Variants in SREBF2 observed in about 807,000 individuals in gnomAD.
The protein encoded by SREBF2 is sterol regulatory element binding transcription factor 2.
In SREBF2, 55 loss-of-function variants were observed where a neutral mutation model predicts 113.1. That is an observed-to-expected ratio of 0.49 (90% CI 0.39 to 0.61). The LOEUF is 0.61. SREBF2 is among the 20% of genes least tolerant of loss of function. The pLI is 0.00. For synonymous variants in SREBF2, 593 were observed against 605.7 expected, an observed-to-expected ratio of 0.98 and a Z score of 0.31; for missense variants, 1,349 against 1,487.4, an observed-to-expected ratio of 0.91 and a Z score of 1.53.
At chr22:41,862,836 C>T (rs115889871) in intron 1 of SREBF2, among the ~76,000 whole-genome samples, 1,738 of 152,296 alleles carry the variant, frequency 0.011, 38 homozygotes, top group African/African-American at 0.04. Context: ...GCCCAGTACC[C>T]GGCTGCCCGG....
chr22:41,895,050 G>C (rs1464010781), intron 13 of SREBF2, 113 bp downstream of exon 13: 1 of 815,958 alleles, frequency 1.2e-6, no homozygotes, highest in African/African-American at 1.7e-5. Flanking sequence ...CGGGTTGGCA[G>C]GGCAATCAAA....
intron 3 of SREBF2, among the ~76,000 whole-genome samples, 167 bp downstream of exon 3, chr22:41,868,959 C>T (rs1172817966): frequency 6.6e-6 from 1 of 152,226 alleles, no homozygotes; most frequent in Non-Finnish European, 1.5e-5. Flanking sequence ...TGGCTGAGTC[C>T]ATATCTGTAG....
intron 17 of SREBF2, among the ~76,000 whole-genome samples, chr22:41,904,264 A>G (rs2148422994): frequency 6.6e-6 from 1 of 152,284 alleles, no homozygotes; most frequent in Middle Eastern, 3.4e-3. Context: ...CCAGGACCAG[A>G]ATCCACTTGG....
intron 3 of SREBF2, among the ~76,000 whole-genome samples, chr22:41,869,236 C>G (rs745643330): frequency 6.6e-6 from 1 of 152,110 alleles, no homozygotes; most frequent in Admixed American, 6.5e-5. Flanking sequence ...TCCCGAGTAG[C>G]TGGGACTACA....
At chr22:41,846,510 C>G (rs1602271843) in intron 1 of SREBF2, among the ~76,000 whole-genome samples, 2 of 152,300 alleles carry the variant, frequency 1.3e-5, no homozygotes, top group Admixed American at 1.3e-4. Context: ...TGATGATGGA[C>G]AAATGGAACA....
At chr22:41,900,280 C>G in intron 15 of SREBF2, 50 bp from the exon 16 acceptor site, 2 of 1,599,096 alleles carry the variant, frequency 1.3e-6, no homozygotes, top group Non-Finnish European at 8.5e-7. Context: ...CTGCCTGTCA[C>G]GCAGGTGACA....
chr22:41,855,019 TAA>T (rs746090034), intron 1 of SREBF2, among the ~76,000 whole-genome samples: 16 of 138,508 alleles, frequency 1.2e-4, no homozygotes, highest in Admixed American at 7.2e-5. Flanking sequence ...TGTGCAGCAT[TAA>T]AAAAAAAAAA....
Position 41,867,160 on chromosome 22 carries a change from CA to C in SREBF2, c.420del (p.Gln140HisfsTer11). The C allele has an allele frequency of 6.2e-7, 1 of 1,614,220 alleles. No individual in the cohort carries two copies. ...TCAGCCCCGCCCCCAGCCCCAGCCT[CA>C]ACCTCAAACTCAGCTGCAACAACAG... Reference protein sequence around the residue: ...ILQPRPQPQPQPQTQLQQQTV... With the variant: ...ILQPRPQPQPXPQTQLQQQTV... On this transcript the variant is annotated frameshift_variant, in exon 2 of 19. Coordinates refer to ENST00000361204, the MANE Select transcript of SREBF2 (RefSeq NM_004599.4). LOFTEE classifies it high-confidence loss of function.
chr22:41,838,725 C>T (rs1341379024), intron 1 of SREBF2, among the ~76,000 whole-genome samples: 13 of 152,098 alleles, frequency 8.5e-5, no homozygotes, highest in Middle Eastern at 6.8e-3. Context: ...AGAGCAAGAC[C>T]TTGTCTCAAA....
Position 41,867,011 on chromosome 22 carries a change from G to A in SREBF2, c.269G>A (p.Arg90Gln), listed in dbSNP as rs756727759. The change falls in exon 2 of 19, where the codon CGG becomes CAG. Residue 90 changes from arginine to glutamine, a missense_variant. Arg to Gln is a conservative substitution (Grantham distance 43). This residue lies in a region of SREBF2 where 699 missense variants were observed against 843.3 expected (regional missense o/e 0.83). Transcript: ENST00000361204. ...GGAGCTGTGGACCCTTCAGTGCAAC[G>A]GTCATTCACCCAGGTCACATTACCT... Reference protein sequence around the residue: ...SSGAVDPSVQRSFTQVTLPSF... With the variant: ...SSGAVDPSVQQSFTQVTLPSF... The A allele has an allele frequency of 1.5e-5, 25 of 1,613,970 alleles. 1 individual carries two copies. Among genetic ancestry groups the A allele is most frequent in the South Asian group, 1.1e-4 (10 of 91,076 alleles).
chr22:41,836,511 G>A (rs2076777077), intron 1 of SREBF2, among the ~76,000 whole-genome samples: 1 of 152,216 alleles, frequency 6.6e-6, no homozygotes, highest in South Asian at 2.1e-4. Flanking sequence ...GTGGTCTGAA[G>A]ATAAAATTAT....
rs757996476 is a variant in SREBF2 at position 41,900,358 on chromosome 22, G to T, written c.2767G>T (p.Ala923Ser). The T allele has an allele frequency of 6.2e-7, 1 of 1,613,724 alleles. No individual in the cohort carries two copies. The highest frequency in any genetic ancestry group is 8.5e-7 in the Non-Finnish European group (1 of 1,180,042). Residue 923 changes from alanine (A) to serine (S), a missense_variant, in exon 16 of 19, where the codon GCC becomes TCC. Transcript: ENST00000361204. ...ESPLVKAIFH[A>S]CRAMHASLPG... ...CCCCCTGGTGAAGGCCATCTTCCAT[G>T]CCTGCAGAGCCATGCATGCCTCACT...
At chr22:41,902,394 C>CT (rs773156361) in intron 16 of SREBF2, among the ~76,000 whole-genome samples, 347 of 152,324 alleles carry the variant, frequency 2.3e-3, no homozygotes, top group African/African-American at 8.0e-3. Context: ...CTCAGAGAGA[C>CT]TAAGTCCTAT....
At chr22:41,864,223 CATATATAT>C (rs756489276) in intron 1 of SREBF2, among the ~76,000 whole-genome samples, 487 of 46,326 alleles carry the variant, frequency 0.011, 3 homozygotes, top group African/African-American at 0.029. Flanking sequence ...CTTCTGCAAG[CATATATAT>C]ATATATATAT....
intron 11 of SREBF2, among the ~76,000 whole-genome samples, chr22:41,889,084 A>C (rs1765958475): frequency 6.6e-6 from 1 of 152,136 alleles, no homozygotes; most frequent in Non-Finnish European, 1.5e-5. Flanking sequence ...TGTCTCAGTA[A>C]ATTTTTCATG....
chr22:41,883,641 G>A (rs1012309262), intron 10 of SREBF2, among the ~76,000 whole-genome samples: 2 of 152,144 alleles, frequency 1.3e-5, no homozygotes, highest in African/African-American at 4.8e-5. Context: ...CTACAGTATG[G>A]TTGCCACACT....
At chr22:41,883,852 CT>C (rs1250241293) in intron 10 of SREBF2, among the ~76,000 whole-genome samples, 2 of 152,202 alleles carry the variant, frequency 1.3e-5, no homozygotes, top group Non-Finnish European at 2.9e-5. Flanking sequence ...ACTTCCTCCC[CT>C]GAGGCAAGGA....
chr22:41,862,190 A>G (rs1262877216), intron 1 of SREBF2, among the ~76,000 whole-genome samples: 2 of 152,206 alleles, frequency 1.3e-5, no homozygotes, highest in African/African-American at 2.4e-5. Context: ...TGAGCTGAGC[A>G]AAGTGATATT....
intron 14 of SREBF2, among the ~76,000 whole-genome samples, chr22:41,898,314 C>T (rs1193581709): frequency 4.6e-5 from 7 of 152,156 alleles, no homozygotes; most frequent in Admixed American, 4.6e-4. Context: ...GAGGGGGTTT[C>T]ACCATGTTGG....
Sources: gnomAD v4.1 joint callset for allele counts (sites outside exome capture counted in the v4.1 genomes callset) on GRCh38, gnomAD v4.1.1 for gene constraint, gnomAD v4.1.1 regional missense constraint, MANE v1.5 for transcripts, NCBI Gene and HGNC (gene_info 2026-07-23, HGNC 2026-07-21) for gene names.